Variants in UBR3 observed in about 807,000 individuals in gnomAD.
The protein encoded by UBR3 is ubiquitin protein ligase E3 component n-recognin 3, also known as E3 ubiquitin-protein ligase UBR3.
Under a neutral mutation model 243.2 loss-of-function variants are expected in UBR3, and 85 were observed. The observed-to-expected ratio is 0.35, with a 90% CI of 0.29 to 0.42. The LOEUF (loss-of-function observed/expected upper bound fraction) is 0.42, where lower values mean the gene tolerates loss of function less well. Ranked by LOEUF, UBR3 falls within the 10% of genes least tolerant of loss-of-function variation. The pLI is 1.00. For synonymous variants in UBR3, 748 were observed against 799.8 expected (o/e 0.94, Z 1.09); for missense variants, 1,686 against 2,300.8 (o/e 0.73, Z 5.47).
At chr2:169,885,201 A>C (rs977800093) in intron 5 of UBR3, among the ~76,000 whole-genome samples, 1 of 152,156 alleles carries the variant, frequency 6.6e-6, no homozygotes, top group South Asian at 2.1e-4. Flanking sequence ...TATTGTTGTA[A>C]TTTAAGATAT....
At chr2:169,922,776 ACTTTC>A (rs913456939) in intron 11 of UBR3, among the ~76,000 whole-genome samples, 13 of 151,662 alleles carry the variant, frequency 8.6e-5, no homozygotes, top group African/African-American at 3.1e-4. Flanking sequence ...ACATTGTTAG[ACTTTC>A]CTTTCTTTTT....
intron 24 of UBR3, 130 bp downstream of exon 24, chr2:169,958,656 A>G: frequency 1.4e-6 from 1 of 713,898 alleles, no homozygotes; most frequent in Admixed American, 3.4e-5. Flanking sequence ...GTCCTTAAAC[A>G]ATATAGTGAT....
chr2:170,064,803 A>ATTTTTTTT, intron 35 of UBR3, among the ~76,000 whole-genome samples: 32 of 87,772 alleles, frequency 3.6e-4, no homozygotes, highest in East Asian at 1.0e-3. Context: ...TGCTTTTTCT[A>ATTTTTTTT]TTTTTTTTTT....
At chr2:169,936,394 A>G (rs2086330591) in intron 19 of UBR3, among the ~76,000 whole-genome samples, 2 of 152,098 alleles carry the variant, frequency 1.3e-5, no homozygotes, top group South Asian at 4.1e-4. Flanking sequence ...AGTTAATTTT[A>G]TAGCATCTTC....
chr2:169,850,004 G>A (rs576311355), intron 1 of UBR3, among the ~76,000 whole-genome samples: 1 of 152,206 alleles, frequency 6.6e-6, no homozygotes, highest in East Asian at 1.9e-4. Context: ...AAACCCTCCA[G>A]GTTAGTAGAG....
intron 27 of UBR3, among the ~76,000 whole-genome samples, chr2:170,004,926 A>T (rs1466729730): frequency 6.6e-6 from 1 of 151,580 alleles, no homozygotes. Flanking sequence ...CAAACAAACA[A>T]AAAGAAAGAG....
chr2:169,946,859 G>A (rs1251149789), intron 21 of UBR3, among the ~76,000 whole-genome samples: 3 of 152,046 alleles, frequency 2.0e-5, no homozygotes, highest in Non-Finnish European at 2.9e-5. Flanking sequence ...AATTCTTCCT[G>A]TAAAGGTTTG....
intron 24 of UBR3, among the ~76,000 whole-genome samples, chr2:169,963,097 G>A (rs1469198115): frequency 6.6e-6 from 1 of 152,122 alleles, no homozygotes; most frequent in Non-Finnish European, 1.5e-5. Context: ...ATAAGAATAG[G>A]CTGGTTTTTG....
At chr2:170,071,042 G>C (rs2105454788) in intron 35 of UBR3, among the ~76,000 whole-genome samples, 1 of 152,278 alleles carries the variant, frequency 6.6e-6, no homozygotes, top group African/African-American at 2.4e-5. Context: ...TTGTTCATTA[G>C]AGAAGTACCA....
chr2:169,868,155 T>C (rs548703915), intron 1 of UBR3, among the ~76,000 whole-genome samples: 12 of 152,078 alleles, frequency 7.9e-5, no homozygotes, highest in Non-Finnish European at 1.5e-4. Flanking sequence ...TTCTTTTTCA[T>C]GAACATAACA....
At position 170,015,367 on chromosome 2, in the gene UBR3, G is replaced by T; in HGVS notation, c.4453+1G>T. ...ACAGCTGGCAAAAGGTCTTGTTTAA[G>T]TAAGTACTAAATACTGCTAAATTTA... On this transcript the variant is annotated splice_donor_variant, in intron 30 of 38. Coordinates refer to ENST00000272793, the MANE Select transcript of UBR3 (RefSeq NM_172070.4). LOFTEE classifies it high-confidence loss of function. The T allele has an allele frequency of 6.2e-7, 1 of 1,609,870 alleles. No individual in the cohort carries two copies. Among genetic ancestry groups the T allele is most frequent in the Non-Finnish European group, 8.5e-7 (1 of 1,177,666 alleles).
At chr2:169,887,593 A>G (rs563720873) in intron 5 of UBR3, among the ~76,000 whole-genome samples, 17 of 152,336 alleles carry the variant, frequency 1.1e-4, no homozygotes, top group African/African-American at 3.6e-4. Flanking sequence ...AACAAGTAGT[A>G]TTGGAAATCA....
chr2:169,945,833 T>G (rs2086770133), intron 20 of UBR3, among the ~76,000 whole-genome samples: 1 of 152,130 alleles, frequency 6.6e-6, no homozygotes, highest in African/African-American at 2.4e-5. Flanking sequence ...CTTCTACCTT[T>G]CTCCTCCATA....
Position 170,007,289 on chromosome 2 carries a change from A to G in UBR3, c.4230+99A>G. The G allele has an allele frequency of 5.4e-6, 7 of 1,287,854 alleles. No individual in the cohort carries two copies. The South Asian group carries it at 1.0e-4, about 19-fold the overall frequency. 79.8% of individuals were successfully genotyped at this position (1,287,854 alleles called of 1,614,324 possible). On this transcript the variant is annotated intron_variant, in intron 28 of 38. Transcript: ENST00000272793. Reference sequence around the variant, plus strand: ...TATAAATTACTCTGGACTTTTACATATTTAGTAGAAATTGCTTTTAGAGGT... The same window carrying G: ...TATAAATTACTCTGGACTTTTACATGTTTAGTAGAAATTGCTTTTAGAGGT...
intron 1 of UBR3, among the ~76,000 whole-genome samples, chr2:169,841,548 G>A (rs1034415834): frequency 1.3e-5 from 2 of 152,196 alleles, no homozygotes; most frequent in Non-Finnish European, 2.9e-5. Context: ...GGCACGAGCC[G>A]GAACTGGGGC....
intron 19 of UBR3, among the ~76,000 whole-genome samples, chr2:169,938,471 C>G (rs1208427089): frequency 6.6e-6 from 1 of 151,956 alleles, no homozygotes; most frequent in Admixed American, 6.6e-5. Flanking sequence ...ATGTGTTGCC[C>G]AGGCTGGTTT....
intron 29 of UBR3, among the ~76,000 whole-genome samples, chr2:170,009,364 A>G (rs2090017567): frequency 6.6e-6 from 1 of 152,176 alleles, no homozygotes; most frequent in Non-Finnish European, 1.5e-5. Flanking sequence ...GAAAAGATCT[A>G]GTGATAACCT....
At chr2:169,894,345 A>G (rs1267515989) in intron 6 of UBR3, among the ~76,000 whole-genome samples, 1 of 148,596 alleles carries the variant, frequency 6.7e-6, no homozygotes, top group Admixed American at 6.7e-5. Flanking sequence ...AAAAAAAAAA[A>G]AAAAGATGTA....
At chr2:169,898,205 C>G (rs538381063) in intron 8 of UBR3, among the ~76,000 whole-genome samples, 8 of 152,168 alleles carry the variant, frequency 5.3e-5, no homozygotes, top group African/African-American at 9.7e-5. Flanking sequence ...TATAGTTGAG[C>G]CTTGCTTTGT....
Sources: gnomAD v4.1 joint callset for allele counts (sites outside exome capture counted in the v4.1 genomes callset) on GRCh38, gnomAD v4.1.1 for gene constraint, MANE v1.5 for transcripts, NCBI Gene and HGNC (gene_info 2026-07-23, HGNC 2026-07-21) for gene names.